CEP68: variants seen among roughly 807,000 people sequenced by gnomAD.
The protein encoded by CEP68 is centrosomal protein 68.
CEP68 carries 26 observed loss-of-function variants against 55.3 expected under a neutral mutation model. The observed-to-expected ratio is 0.47, with a 90% CI of 0.34 to 0.65. The LOEUF is 0.65. Ranked by LOEUF, CEP68 falls within the 30% of genes least tolerant of loss-of-function variation. The pLI is 0.01. For synonymous variants in CEP68, 402 were observed against 383.2 expected, an observed-to-expected ratio of 1.05 and a Z score of -0.57; for missense variants, 957 against 946.7, an observed-to-expected ratio of 1.01 and a Z score of -0.14.
intron 1 of CEP68, among the ~76,000 whole-genome samples, chr2:65,068,107 T>C: frequency 6.6e-6 from 1 of 152,140 alleles, no homozygotes; most frequent in East Asian, 1.9e-4. Context: ...CATTTAAGCT[T>C]TGAGGTTGGC....
chr2:65,077,942 G>A lies in CEP68; in HGVS notation c.2082G>A (p.Gln694=). 3 of 1,613,792 alleles carry A rather than the reference G, an allele frequency of 1.9e-6. No individual in the cohort carries two copies. The highest frequency in any genetic ancestry group is 2.5e-6 in the Non-Finnish European group (3 of 1,179,744). Residue 694 remains glutamine, a synonymous_variant, in exon 5 of 7, where the codon CAG becomes CAA. Coordinates refer to ENST00000377990, the MANE Select transcript of CEP68 (RefSeq NM_015147.3). ...TACAGAAGGGGGAGATTCTTCTTCAGTGCCTGTTGGAGAACACCCCAGGTG... is the reference window on the plus strand; with the variant it reads ...TACAGAAGGGGGAGATTCTTCTTCAATGCCTGTTGGAGAACACCCCAGGTG... ...SVLQKGEILL[Q]CLLENTPVLE...
At position 65,084,629 on chromosome 2, in the gene CEP68, C is replaced by T. The variant is rs1668975567; in HGVS notation, c.*995C>T. 6.6e-6 allele frequency: 1 copy of T among 151,950 alleles called. No individual in the cohort carries two copies. Among genetic ancestry groups the T allele is most frequent in the Non-Finnish European group, 1.5e-5 (1 of 68,024 alleles). The allele number at this position is 151,950 out of a possible 1,614,324, so 9.4% of individuals were successfully genotyped here. ...TAACTGCAGATTCTACAGAAAAGCA[C>T]TTTTAAAGTTCTGTTGGGCCATGAA... On this transcript the variant is annotated 3_prime_UTR_variant, in exon 7 of 7. Transcript: ENST00000377990.
chr2:65,074,523 T>A, intron 4 of CEP68, 119 bp downstream of exon 4: 1 of 1,410,262 alleles, frequency 7.1e-7, no homozygotes, highest in East Asian at 2.3e-5. Flanking sequence ...TTGACTATTA[T>A]ACCTGAAATC....
chr2:65,069,646 A>G lies in CEP68; in HGVS notation c.202A>G (p.Ile68Val). ...AGGGATACCTGCCCCTACTTGCTGG[A>G]TTGGGACTGACCCTGGCGGCCCCTC... ...AEGIPAPTCWIGTDPGGPSRA... is the reference protein window; with the variant it reads ...AEGIPAPTCWVGTDPGGPSRA... The change falls in exon 2 of 7, where the codon ATT becomes GTT. Residue 68 changes from isoleucine to valine, a missense_variant. Transcript: ENST00000377990. 6.2e-7 allele frequency: 1 copy of G among 1,614,014 alleles called. No individual in the cohort carries two copies. Among genetic ancestry groups the G allele is most frequent in the Non-Finnish European group, 8.5e-7 (1 of 1,180,000 alleles).
intron 5 of CEP68, among the ~76,000 whole-genome samples, chr2:65,079,542 G>GT (rs1676913414): frequency 6.6e-6 from 1 of 152,216 alleles, no homozygotes; most frequent in African/African-American, 2.4e-5. Context: ...TAAGGCCTTT[G>GT]TTTTGGCTCT....
chr2:65,080,192 T>G, intron 5 of CEP68: 1 of 969,414 alleles, frequency 1.0e-6, no homozygotes, highest in Non-Finnish European at 1.2e-6. Flanking sequence ...TTAAAATCAA[T>G]TTAATAATAC....
intron 4 of CEP68, 158 bp downstream of exon 4, chr2:65,074,562 A>T: frequency 8.6e-6 from 9 of 1,047,438 alleles, no homozygotes; most frequent in Non-Finnish European, 1.3e-5. Flanking sequence ...CTTAAAGCGG[A>T]ACGCTTTGTA....
chr2:65,083,162 A>T (rs1334666355), intron 6 of CEP68, among the ~76,000 whole-genome samples: 1 of 152,184 alleles, frequency 6.6e-6, no homozygotes, highest in Non-Finnish European at 1.5e-5. Context: ...AGAGAAACCC[A>T]GAGTTACTGA....
At chr2:65,074,611 A>C (rs573438904) in intron 4 of CEP68, 1 of 681,438 alleles carries the variant, frequency 1.5e-6, no homozygotes, top group South Asian at 1.7e-5. Flanking sequence ...TGGAGCTTGA[A>C]GATACAATAT....
chr2:65,058,513 T>A (rs953564196), intron 1 of CEP68, among the ~76,000 whole-genome samples: 33 of 140,420 alleles, frequency 2.4e-4, no homozygotes, highest in African/African-American at 8.3e-4. Context: ...TTTTTTTTTT[T>A]TTTTTTTTTT....
At chr2:65,082,140 A>G (rs1668857932) in intron 5 of CEP68, among the ~76,000 whole-genome samples, 1 of 152,216 alleles carries the variant, frequency 6.6e-6, no homozygotes, top group African/African-American at 2.4e-5. Flanking sequence ...AGCAGGGGTA[A>G]GCATCTGAAC....
At chr2:65,082,426 C>T (rs1668873527) in intron 5 of CEP68, 110 bp from the exon 6 acceptor site, 1 of 917,468 alleles carries the variant, frequency 1.1e-6, no homozygotes, top group Non-Finnish European at 1.5e-6. Context: ...ACTGCCAGGT[C>T]CTACTTTGTG....
At chr2:65,076,229 CAG>C (rs1205019730) in intron 4 of CEP68, among the ~76,000 whole-genome samples, 2 of 152,168 alleles carry the variant, frequency 1.3e-5, no homozygotes, top group East Asian at 3.9e-4. Flanking sequence ...AGTACCACTA[CAG>C]AGAGAGGAAG....
In CEP68 at chr2:65,072,358, C is replaced by A. The variant is rs752463713; in HGVS notation, c.1262C>A (p.Ala421Glu). ...CGCAGAGAGCCAGCCCTGAGGGGTG[C>A]GAAGGACCGGCTGACTATAGGCAAG... is the stretch of plus-strand genomic sequence containing the variant. ...WERREPALRG[A>E]KDRLTIGKHL... The change falls in exon 3 of 7, where the codon GCG (alanine) becomes GAG (glutamate). Residue 421 changes from alanine (A) to glutamate (E), a missense_variant. Transcript: ENST00000377990. The A allele has an allele frequency of 6.2e-7, 1 of 1,613,672 alleles. No homozygotes were observed. Among genetic ancestry groups the A allele is most frequent in the African/African-American group, 1.3e-5 (1 of 74,898 alleles).
intron 1 of CEP68, among the ~76,000 whole-genome samples, chr2:65,058,877 A>G (rs1020351303): frequency 1.3e-5 from 2 of 152,110 alleles, no homozygotes; most frequent in African/African-American, 4.8e-5. Flanking sequence ...ATTCCGTAGA[A>G]GATTATCTGT....
chr2:65,081,774 C>G (rs1668830594), intron 5 of CEP68, among the ~76,000 whole-genome samples: 1 of 152,152 alleles, frequency 6.6e-6, no homozygotes, highest in African/African-American at 2.4e-5. Flanking sequence ...CTTGGCTCAC[C>G]ACAACCTCTG....
At chr2:65,080,598 A>G in intron 5 of CEP68, 21 of 938,704 alleles carry the variant, frequency 2.2e-5, no homozygotes, top group Non-Finnish European at 2.7e-5. Flanking sequence ...CGGGCAGATC[A>G]CCTGAGGGCA....
rs35501092 is a variant in CEP68, at chr2:65,072,286, T to C, written c.1190T>C (p.Leu397Pro). 0.016 allele frequency: 26,464 copies of C among 1,613,932 alleles called. 270 individuals carry two copies. The highest frequency in any genetic ancestry group is 0.019 in the Non-Finnish European group (22,664 of 1,179,958). The change falls in exon 3 of 7, where the codon CTT becomes CCT. Residue 397 changes from leucine (L) to proline (P), a missense_variant. Leu to Pro is a moderately conservative substitution (Grantham distance 98). Transcript: ENST00000377990. ...ATGGGCTTGGCATCTTGGAGCCAAC[T>C]TGCATCTACCCCCAGAGCCCCAGGC... is the stretch of plus-strand genomic sequence containing the variant. ...GGMGLASWSQ[L>P]ASTPRAPGSR...
At chr2:65,079,706 T>C (rs1385859028) in intron 5 of CEP68, among the ~76,000 whole-genome samples, 2 of 152,234 alleles carry the variant, frequency 1.3e-5, no homozygotes, top group South Asian at 2.1e-4. Context: ...AGATGGATAG[T>C]TGTGGATTTG....
Sources: gnomAD v4.1 joint callset for allele counts (sites outside exome capture counted in the v4.1 genomes callset) on GRCh38, gnomAD v4.1.1 for gene constraint, MANE v1.5 for transcripts, NCBI Gene and HGNC (gene_info 2026-07-23, HGNC 2026-07-21) for gene names.